The following MYO10 variants were observed in gnomAD, a reference collection of about 807,000 sequenced individuals.
MYO10 encodes unconventional myosin-X.
A neutral mutation model predicts 257.3 loss-of-function variants in MYO10; 133 were observed. That is an observed-to-expected ratio of 0.52 (90% CI 0.45 to 0.60). The LOEUF is 0.60. MYO10 is among the 20% of genes least tolerant of loss of function. The pLI, the probability that MYO10 is intolerant of heterozygous loss-of-function variation, is 0.00. For missense variants in MYO10, 2,399 were observed against 2,635.7 expected (o/e 0.91, Z 1.97); for synonymous variants, 1,104 against 1,028.6 (o/e 1.07, Z -1.40).
Position 16,670,710 on chromosome 5 carries a change from C to A in MYO10, c.5699G>T (p.Arg1900Leu), listed in dbSNP as rs561035599. ...CATCTGCTCCTCCTCGACCTTCTGCCGGACCACGGATCCTGTCCGGAAGCT... is the reference window on the plus strand; with the variant it reads ...CATCTGCTCCTCCTCGACCTTCTGCAGGACCACGGATCCTGTCCGGAAGCT... The part of the protein sequence containing the change: ...RRSFRTGSVV[R>L]QKVEEEQMLD... The change falls in exon 39 of 41, where the codon CGG becomes CTG. Residue 1900 changes from arginine to leucine, a missense_variant. By Grantham distance (102) the Arg-to-Leu change is moderately radical (BLOSUM62 -2). Around this residue, in one of 3 missense-constraint regions of MYO10, gnomAD observed 1,820 missense variants for 1,939.4 expected, o/e 0.94. Transcript: ENST00000513610. The A allele has an allele frequency of 1.2e-6, 2 of 1,613,910 alleles. No homozygotes were observed. The highest frequency in any genetic ancestry group is 3.3e-5 in the Admixed American group (2 of 60,008).
chr5:16,897,019 C>CAGGA (rs1466741803), intron 1 of MYO10, among the ~76,000 whole-genome samples: 6 of 151,834 alleles, frequency 4.0e-5, no homozygotes, highest in Non-Finnish European at 5.9e-5. Flanking sequence ...GGCAGGCAGG[C>CAGGA]AGGAAGGAAG....
chr5:16,911,780 G>A (rs1487861552), intron 1 of MYO10, among the ~76,000 whole-genome samples: 1 of 152,046 alleles, frequency 6.6e-6, no homozygotes, highest in Non-Finnish European at 1.5e-5. Context: ...GCTCATGCCT[G>A]TAATCCCAGC....
rs149120614 is a variant in MYO10, at chr5:16,679,484, T to C, written c.4542+463A>G. 9.4e-3 allele frequency among the ~76,000 whole-genome samples: 1,421 copies of C among 151,602 alleles called. 19 individuals carry two copies. Among genetic ancestry groups the C allele is most frequent in the African/African-American group, 0.031 (1,285 of 41,256 alleles). ...CTCATTTAGATTCCCGAAAGCAGGG[T>C]ACTCAAACACAAATTTAACCAAGCG... is the stretch of plus-strand genomic sequence containing the variant. On this transcript the variant is annotated intron_variant, in intron 33 of 40. Transcript: ENST00000513610.
chr5:16,818,346 C>T (rs150796228), intron 2 of MYO10, among the ~76,000 whole-genome samples, 179 bp from the exon 3 acceptor site: 2 of 147,412 alleles, frequency 1.4e-5, no homozygotes, highest in African/African-American at 2.6e-5. Context: ...CTCTCTCTCT[C>T]TCTGTGTGTG....
At chr5:16,670,215 A>G (rs1290519378) in intron 39 of MYO10, among the ~76,000 whole-genome samples, 1 of 152,198 alleles carries the variant, frequency 6.6e-6, no homozygotes, top group Non-Finnish European at 1.5e-5. Flanking sequence ...CAGCTATAAC[A>G]TTTTTTTAAA....
At chr5:16,719,948 G>T (rs543209072) in intron 19 of MYO10, among the ~76,000 whole-genome samples, 1 of 151,998 alleles carries the variant, frequency 6.6e-6, no homozygotes, top group East Asian at 1.9e-4. Context: ...TAGGCAATAA[G>T]AGTGAAACTC....
At chr5:16,681,525 TA>T (rs1561176936) in intron 31 of MYO10, 22 bp from the exon 32 acceptor site, 8 of 1,583,714 alleles carry the variant, frequency 5.1e-6, no homozygotes, top group Non-Finnish European at 1.7e-6. Context: ...GATTAAAGTG[TA>T]AATTAAAATC....
chr5:16,675,350 T>A (rs372189745), intron 34 of MYO10, among the ~76,000 whole-genome samples, 200 bp from the exon 35 acceptor site: 1 of 152,202 alleles, frequency 6.6e-6, no homozygotes, highest in African/African-American at 2.4e-5. Flanking sequence ...TGTTATCTAA[T>A]TGAACTTCTT....
chr5:16,740,305 G>A (rs1275843873), intron 19 of MYO10, among the ~76,000 whole-genome samples: 1 of 152,108 alleles, frequency 6.6e-6, no homozygotes, highest in East Asian at 1.9e-4. Flanking sequence ...CACATTGAGG[G>A]GGCTGCCCGT....
At chr5:16,764,437 C>G in intron 11 of MYO10, 41 bp from the exon 12 acceptor site, 1 of 1,607,550 alleles carries the variant, frequency 6.2e-7, no homozygotes, top group East Asian at 2.2e-5. Context: ...TGACCCCGGG[C>G]ACCCCAGACA....
At chr5:16,718,909 T>C (rs1169353395) in intron 19 of MYO10, among the ~76,000 whole-genome samples, 2 of 152,146 alleles carry the variant, frequency 1.3e-5, no homozygotes, top group African/African-American at 4.8e-5. Context: ...AGCTCAGGGA[T>C]TGTAAACGCG....
Position 16,665,769 on chromosome 5 carries a change from C to T in MYO10, c.*923G>A, listed in dbSNP as rs1345284617. 4 of 152,558 alleles carry T rather than the reference C, an allele frequency of 2.6e-5. No homozygotes were observed. The highest frequency in any genetic ancestry group is 5.9e-5 in the Non-Finnish European group (4 of 68,034). 9.5% of individuals were successfully genotyped at this position (152,558 alleles called of 1,614,324 possible). On this transcript the variant is annotated 3_prime_UTR_variant, in exon 41 of 41. Transcript: ENST00000513610. ...AATGACTTCATTCTTGTTCTAAAAC[C>T]AGCACTGGAGCCAGCTGTTGAAGAG...
Position 16,703,154 on chromosome 5 carries a change from G to A in MYO10, c.2281C>T (p.Gln761Ter). The stretch of plus-strand genomic sequence containing the variant: ...ACACAATAAAGGACCTTTCTGTATT[G>A]TTTTCTGAAAATGAAAGAAAACAAG... The part of the protein sequence containing the change: ...AHVLGFLARK[Q>*]YRKVLYCVVI... Residue 761 changes from glutamine (Q) to a stop codon, truncating the protein, a stop_gained, in exon 23 of 41, where the codon CAA becomes TAA. Transcript: ENST00000513610. LOFTEE classifies it high-confidence loss of function. 6.3e-7 allele frequency: 1 copy of A among 1,589,372 alleles called. No homozygotes were observed. Among genetic ancestry groups the A allele is most frequent in the South Asian group, 1.2e-5 (1 of 86,880 alleles).
chr5:16,699,622 A>G, intron 25 of MYO10, 49 bp from the exon 26 acceptor site: 2 of 1,609,362 alleles, frequency 1.2e-6, no homozygotes, highest in Non-Finnish European at 1.7e-6. Flanking sequence ...CCACAAAGCA[A>G]GCCACGAAGA....
At chr5:16,784,698 A>G (rs1741522359) in intron 4 of MYO10, among the ~76,000 whole-genome samples, 1 of 152,236 alleles carries the variant, frequency 6.6e-6, no homozygotes, top group African/African-American at 2.4e-5. Flanking sequence ...GGATGGGCAG[A>G]TGAGCCCCTT....
chr5:16,725,512 A>T (rs75468964), intron 19 of MYO10, among the ~76,000 whole-genome samples: 1 of 152,154 alleles, frequency 6.6e-6, no homozygotes, highest in Non-Finnish European at 1.5e-5. Context: ...CTTAATCTTT[A>T]CAACTACTCT....
Position 16,918,271 on chromosome 5 carries a change from C to T in MYO10, c.21+17517G>A, listed in dbSNP as rs77854052. Among the ~76,000 whole-genome samples, 197 of 151,606 alleles carry T rather than the reference C, an allele frequency of 1.3e-3. 1 individual carries two copies. The East Asian group carries it at 0.032, about 24-fold the overall frequency. ...CTGCGTGTCACTTCCATCTACAAGGCAGATAGAAGCATCAGCTCAGCAGCT... is the reference window on the plus strand; with the variant it reads ...CTGCGTGTCACTTCCATCTACAAGGTAGATAGAAGCATCAGCTCAGCAGCT... On this transcript the variant is annotated intron_variant, in intron 1 of 40. Coordinates refer to ENST00000513610, the MANE Select transcript of MYO10 (RefSeq NM_012334.3).
At chr5:16,710,165 A>C (rs527649257) in intron 21 of MYO10, among the ~76,000 whole-genome samples, 20 of 152,298 alleles carry the variant, frequency 1.3e-4, no homozygotes, top group African/African-American at 4.8e-4. Context: ...CTTCGAGGAC[A>C]CATGTGTCCT....
chr5:16,874,999 C>G (rs915725089), intron 2 of MYO10, among the ~76,000 whole-genome samples: 1 of 152,102 alleles, frequency 6.6e-6, no homozygotes, highest in Non-Finnish European at 1.5e-5. Flanking sequence ...AAGCGGAAAC[C>G]CCTGATAAAC....
Sources: allele counts gnomAD v4.1 joint callset (sites outside exome capture counted in the v4.1 genomes callset), GRCh38; gene constraint gnomAD v4.1.1; regional missense constraint gnomAD v4.1.1; transcripts MANE v1.5; gene names NCBI Gene and HGNC (gene_info 2026-07-23, HGNC 2026-07-21).